Variants in KCNH5 observed in about 807,000 individuals in gnomAD.
KCNH5 encodes potassium voltage-gated channel subfamily H member 5.
KCNH5 carries 46 observed loss-of-function variants against 96.1 expected under a neutral mutation model. The ratio of observed to expected loss-of-function variants is 0.48; its 90% CI spans 0.38 to 0.61. KCNH5 has a LOEUF of 0.61. Ranked by LOEUF, KCNH5 falls within the 20% of genes least tolerant of loss-of-function variation. The probability of loss-of-function intolerance (pLI) is 0.00; values close to 1 mark genes in which losing one functional copy is unlikely to be tolerated. For synonymous variants in KCNH5, 439 were observed against 449.8 expected, an observed-to-expected ratio of 0.98 and a Z score of 0.30; for missense variants, 907 against 1,225.8, an observed-to-expected ratio of 0.74 and a Z score of 3.88.
chr14:62,932,388 AAAG>A (rs1889596764), intron 7 of KCNH5, among the ~76,000 whole-genome samples: 1 of 152,006 alleles, frequency 6.6e-6, no homozygotes. Context: ...CAAAAACTCA[AAAG>A]AAGGATTAGA....
chr14:62,933,167 G>T (rs75770624), intron 7 of KCNH5, among the ~76,000 whole-genome samples: 1 of 152,022 alleles, frequency 6.6e-6, no homozygotes, highest in African/African-American at 2.4e-5. Flanking sequence ...AGTTATAACC[G>T]CCTAATGTGA....
rs539135561 is a variant in KCNH5 at position 62,987,341 on chromosome 14, A to G, written c.434-154T>C. 2.0e-5 allele frequency among the ~76,000 whole-genome samples: 3 copies of G among 152,334 alleles called. No homozygotes were observed. The East Asian group carries it at 5.8e-4, about 29-fold the overall frequency. ...GTATTTTCTTTCCTTCTGTATAGAC[A>G]TGCTCATATATTTGAAGTGTGGCCA... is the stretch of plus-strand genomic sequence containing the variant. On this transcript the variant is annotated intron_variant, in intron 4 of 10. Transcript: ENST00000322893.
intron 10 of KCNH5, among the ~76,000 whole-genome samples, chr14:62,721,495 A>ACT (rs1481680232): frequency 5.0e-5 from 3 of 60,424 alleles, no homozygotes; most frequent in Non-Finnish European, 1.1e-4. Context: ...TCTCTCACTC[A>ACT]CTCGCTCTCT....
intron 7 of KCNH5, among the ~76,000 whole-genome samples, chr14:62,867,351 G>A (rs1270498965): frequency 2.6e-5 from 4 of 152,110 alleles, no homozygotes; most frequent in Non-Finnish European, 4.4e-5. Context: ...AACACCCACA[G>A]GTTTAATCTC....
At chr14:62,783,230 A>C (rs1157186661) in intron 9 of KCNH5, among the ~76,000 whole-genome samples, 4 of 152,206 alleles carry the variant, frequency 2.6e-5, no homozygotes, top group African/African-American at 9.6e-5. Flanking sequence ...AAAGCACAGA[A>C]GTAAATGCAT....
intron 1 of KCNH5, among the ~76,000 whole-genome samples, chr14:63,044,318 A>C (rs1434355039): frequency 2.6e-5 from 4 of 152,228 alleles, no homozygotes; most frequent in Non-Finnish European, 5.9e-5. Context: ...TCTTGTAGGA[A>C]ATGAATGTAT....
intron 7 of KCNH5, among the ~76,000 whole-genome samples, chr14:62,868,907 G>A (rs569110263): frequency 1.3e-5 from 2 of 152,316 alleles, no homozygotes; most frequent in East Asian, 3.9e-4. Flanking sequence ...TGATGTATAT[G>A]TGCCACATTT....
chr14:62,834,383 A>G lies in KCNH5; in HGVS notation c.1569+15270T>C, dbSNP rs147559941. Among the ~76,000 whole-genome samples, 407 of 152,130 alleles carry G rather than the reference A, an allele frequency of 2.7e-3. 1 individual carries two copies. The highest frequency in any genetic ancestry group is 9.1e-3 in the African/African-American group (379 of 41,546). Reference sequence around the variant, plus strand: ...ATTTATTGAACACATCCCACTTACCAAACACTAATCTAGGCAATAATTATT... The same window carrying G: ...ATTTATTGAACACATCCCACTTACCGAACACTAATCTAGGCAATAATTATT... On this transcript the variant is annotated intron_variant, in intron 8 of 10. Transcript: ENST00000322893.
intron 1 of KCNH5, among the ~76,000 whole-genome samples, chr14:63,017,670 C>T (rs1304199348): frequency 6.6e-6 from 1 of 150,898 alleles, no homozygotes; most frequent in East Asian, 1.9e-4. Context: ...TTTTGTAAAC[C>T]ACATGTTATA....
chr14:62,929,268 C>T (rs183784706), intron 7 of KCNH5, among the ~76,000 whole-genome samples: 40 of 152,138 alleles, frequency 2.6e-4, no homozygotes, highest in African/African-American at 9.1e-4. Flanking sequence ...ACCAGAGTCT[C>T]GCCACTTCCT....
At position 62,869,955 on chromosome 14, in the gene KCNH5, A is replaced by T. The variant is rs117782382; in HGVS notation, c.1370-20103T>A. 3.9e-3 allele frequency among the ~76,000 whole-genome samples: 595 copies of T among 152,270 alleles called. 2 individuals are homozygous for T. Among genetic ancestry groups the T allele is most frequent in the Non-Finnish European group, 6.1e-3 (416 of 68,030 alleles). On this transcript the variant is annotated intron_variant, in intron 7 of 10. Coordinates refer to ENST00000322893, the MANE Select transcript of KCNH5 (RefSeq NM_139318.5). ...TTATACAAAAATTAACTCAAGATTA[A>T]TTGAAGATTTAAACGTAATGTCATT...
At chr14:62,990,708 T>C (rs938740406) in intron 4 of KCNH5, among the ~76,000 whole-genome samples, 1 of 152,042 alleles carries the variant, frequency 6.6e-6, no homozygotes, top group Non-Finnish European at 1.5e-5. Context: ...ATATTTTCTA[T>C]CCTTGTGTAT....
chr14:62,931,013 T>C (rs1408550650), intron 7 of KCNH5, among the ~76,000 whole-genome samples: 1 of 152,094 alleles, frequency 6.6e-6, no homozygotes, highest in Admixed American at 6.6e-5. Flanking sequence ...TTTAAGGGAT[T>C]GGAGAGAGAT....
At chr14:62,939,641 A>G (rs562716432) in intron 7 of KCNH5, among the ~76,000 whole-genome samples, 1 of 152,284 alleles carries the variant, frequency 6.6e-6, no homozygotes, top group Admixed American at 6.5e-5. Flanking sequence ...AACATTTTTT[A>G]AAGTTTCAGG....
chr14:62,707,435 A>T lies in KCNH5; in HGVS notation c.*73T>A. On this transcript the variant is annotated 3_prime_UTR_variant, in exon 11 of 11. Coordinates refer to ENST00000322893, the MANE Select transcript of KCNH5 (RefSeq NM_139318.5). The stretch of plus-strand genomic sequence containing the variant: ...ATCTTGAAAGCAAGTGAAAATATAT[A>T]TATGTATATACTGTATATACACACA... 1.5e-6 allele frequency: 1 copy of T among 673,884 alleles called. No individual in the cohort carries two copies. The highest frequency in any genetic ancestry group is 1.9e-5 in the African/African-American group (1 of 53,456). 41.7% of individuals were successfully genotyped at this position (673,884 alleles called of 1,614,324 possible).
At chr14:62,851,705 T>C (rs1370842596) in intron 7 of KCNH5, among the ~76,000 whole-genome samples, 1 of 152,058 alleles carries the variant, frequency 6.6e-6, no homozygotes, top group Non-Finnish European at 1.5e-5. Context: ...GTTAATGAAA[T>C]AATGCTGCAA....
At chr14:63,003,624 A>ATATATAT (rs1491457497) in intron 3 of KCNH5, among the ~76,000 whole-genome samples, 1 of 92,854 alleles carries the variant, frequency 1.1e-5, no homozygotes, top group African/African-American at 4.7e-5. Context: ...ATATATATAT[A>ATATATAT]TTTTTTTTTT....
Position 62,950,121 on chromosome 14 carries a change from T to A in KCNH5, c.1369+12A>T. 1.6e-5 allele frequency: 26 copies of A among 1,611,754 alleles called. No homozygotes were observed. Among genetic ancestry groups the A allele is most frequent in the Non-Finnish European group, 2.2e-5 (26 of 1,178,712 alleles). ...TAACAATAATTTTCAATGAAAAAAT[T>A]AAAATACTTACAGCCAACCATCATC... is the stretch of plus-strand genomic sequence containing the variant. On this transcript the variant is annotated intron_variant, in intron 7 of 10. Transcript: ENST00000322893.
At chr14:62,889,691 A>G (rs1464872333) in intron 7 of KCNH5, among the ~76,000 whole-genome samples, 2 of 152,128 alleles carry the variant, frequency 1.3e-5, no homozygotes, top group South Asian at 4.1e-4. Context: ...AGTACCTATA[A>G]TGTTTGGATG....
Sources: gnomAD v4.1 joint callset for allele counts (sites outside exome capture counted in the v4.1 genomes callset) on GRCh38, gnomAD v4.1.1 for gene constraint, MANE v1.5 for transcripts, NCBI Gene and HGNC (gene_info 2026-07-23, HGNC 2026-07-21) for gene names.